Variants in PBRM1 observed in about 807,000 individuals in gnomAD.
The protein encoded by PBRM1 is polybromo 1, also known as protein polybromo-1.
PBRM1 carries 27 observed loss-of-function variants against 194.5 expected under a neutral mutation model. The ratio of observed to expected loss-of-function variants is 0.14; its 90% confidence interval spans 0.10 to 0.19. The LOEUF (loss-of-function observed/expected upper bound fraction) is 0.19, where lower values mean the gene tolerates loss of function less well. PBRM1 is among the 10% of genes least tolerant of loss of function. The pLI, the probability that PBRM1 is intolerant of heterozygous loss-of-function variation, is 1.00. For missense variants in PBRM1, 1,466 were observed against 2,077.2 expected (o/e 0.71, Z 5.72); for synonymous variants, 655 against 693.2 (o/e 0.94, Z 0.87).
At chr3:52,649,115 G>A (rs182099404) in intron 6 of PBRM1, among the ~76,000 whole-genome samples, 1 of 152,322 alleles carries the variant, frequency 6.6e-6, no homozygotes, top group East Asian at 1.9e-4. Context: ...GAAGGGTAGA[G>A]CCATAAGCAC....
upstream of PBRM1, chr3:52,679,772 T>G (rs2097171871): frequency 6.7e-7 from 1 of 1,499,308 alleles, no homozygotes; most frequent in African/African-American, 1.4e-5. Context: ...ATAGACTCTG[T>G]CACCAAGTCT....
At chr3:52,579,249 A>G in intron 20 of PBRM1, 50 bp from the exon 23 acceptor site, 2 of 1,525,558 alleles carry the variant, frequency 1.3e-6, no homozygotes, top group Non-Finnish European at 1.8e-6. Flanking sequence ...ATCAAGGAAT[A>G]GAGAAGGTAA....
At chr3:52,573,493 C>T (rs1439151689) in intron 22 of PBRM1, among the ~76,000 whole-genome samples, 1 of 152,102 alleles carries the variant, frequency 6.6e-6, no homozygotes, top group Admixed American at 6.6e-5. Flanking sequence ...GGGGTTTCAC[C>T]ACGTTGGCCA....
intron 17 of PBRM1, among the ~76,000 whole-genome samples, chr3:52,590,460 GA>G (rs796795493): frequency 7.8e-4 from 108 of 137,998 alleles, no homozygotes; most frequent in African/African-American, 1.7e-3. Flanking sequence ...CATTTCAAAA[GA>G]AAAAAAAAAA....
intron 14 of PBRM1, 33 bp downstream of exon 16, chr3:52,617,229 T>C (rs902418216): frequency 2.8e-5 from 45 of 1,588,844 alleles, no homozygotes; most frequent in Non-Finnish European, 3.9e-5. Context: ...TCCCGCAAAA[T>C]GTGCCTACTT....
At chr3:52,641,960 A>C (rs1267092200) in exon 10 of PBRM1, 2 of 1,594,048 alleles carry the variant, frequency 1.3e-6, no homozygotes, top group South Asian at 1.1e-5. Context: ...CTACCAGCTA[A>C]AGCAGCATCT....
chr3:52,550,768 A>C, exon 28 of PBRM1: 2 of 1,612,366 alleles, frequency 1.2e-6, no homozygotes, highest in Non-Finnish European at 8.5e-7. Flanking sequence ...ATGGACTTCC[A>C]CCTGGTGCTG....
chr3:52,682,897 T>G (rs1219034521), upstream of PBRM1, among the ~76,000 whole-genome samples: 2 of 151,962 alleles, frequency 1.3e-5, no homozygotes, highest in Admixed American at 6.6e-5. Flanking sequence ...CTGTCTCTAC[T>G]AAAGAAAAAT....
At chr3:52,625,847 G>A (rs2095430270) in intron 13 of PBRM1, among the ~76,000 whole-genome samples, 1 of 152,006 alleles carries the variant, frequency 6.6e-6, no homozygotes, top group African/African-American at 2.4e-5. Flanking sequence ...CAAAATGCTG[G>A]GATTACAGGC....
chr3:52,670,543 A>C lies in PBRM1; in HGVS notation c.237-1898T>G, dbSNP rs139889065. ...TTCTCTTTCAACAATAGATGAGGGC[A>C]GTCTGGCATATGGCTGCAAAATAAC... On this transcript the variant is annotated intron_variant, in intron 2 of 29. Transcript: ENST00000296302. Among the ~76,000 whole-genome samples, 772 of 152,390 alleles carry C rather than the reference A, an allele frequency of 5.1e-3. 8 individuals carry two copies. Among genetic ancestry groups the C allele is most frequent in the African/African-American group, 0.018 (740 of 41,596 alleles).
At chr3:52,652,110 G>A (rs1468646969) in intron 5 of PBRM1, among the ~76,000 whole-genome samples, 1 of 152,232 alleles carries the variant, frequency 6.6e-6, no homozygotes, top group Non-Finnish European at 1.5e-5. Context: ...GGGGCCGGGT[G>A]CGGTAGCTCA....
intron 13 of PBRM1, among the ~76,000 whole-genome samples, chr3:52,622,312 T>C (rs749011655): frequency 4.0e-5 from 6 of 151,688 alleles, no homozygotes; most frequent in Non-Finnish European, 8.8e-5. Context: ...CACTCCAGCC[T>C]GGGAGACAGG....
At chr3:52,680,120 T>A (rs1307463892), upstream of PBRM1, among the ~76,000 whole-genome samples, 1 of 152,140 alleles carries the variant, frequency 6.6e-6, no homozygotes, top group African/African-American at 2.4e-5. Flanking sequence ...GGCCCCAAGG[T>A]ATCCACCTCT....
In PBRM1 at chr3:52,678,481, TG is replaced by T. The variant is rs2097150868; in HGVS notation, c.236+18del. On this transcript the variant is annotated intron_variant, in intron 2 of 29. Coordinates refer to ENST00000296302, the Ensembl canonical transcript of PBRM1. Reference sequence around the variant, plus strand: ...TGGACCAAATCCCCCGCAACTGTACTGATGTGCTTCGAACTCACCTTCGCTT... The same window carrying T: ...TGGACCAAATCCCCCGCAACTGTACTATGTGCTTCGAACTCACCTTCGCTT... The T allele has an allele frequency of 6.6e-7, 1 of 1,518,428 alleles. No individual in the cohort carries two copies. Among genetic ancestry groups the T allele is most frequent in the Non-Finnish European group, 9.2e-7 (1 of 1,092,588 alleles). 94.1% of individuals were successfully genotyped at this position (1,518,428 alleles called of 1,614,324 possible). A position where few individuals can be genotyped will look rare whatever the true frequency, so the allele number is the denominator to read the frequency against.
chr3:52,550,783 C>A (rs1330828131), exon 28 of PBRM1: 1 of 1,612,498 alleles, frequency 6.2e-7, no homozygotes, highest in Admixed American at 1.7e-5. Context: ...GTGCTGGAGT[C>A]CCTACCATAG....
exon 30 of PBRM1, chr3:52,548,181 T>C (rs1013158855): frequency 2.5e-6 from 4 of 1,610,352 alleles, no homozygotes; most frequent in Non-Finnish European, 3.4e-6. Context: ...TTTCAGCCAG[T>C]GAGAGGGTAG....
At chr3:52,665,089 A>G (rs992379002) in intron 3 of PBRM1, among the ~76,000 whole-genome samples, 3 of 152,246 alleles carry the variant, frequency 2.0e-5, no homozygotes, top group African/African-American at 4.8e-5. Context: ...ACTTCTCAAT[A>G]GCAAAATGGA....
chr3:52,587,685 C>T (rs1301552233), intron 18 of PBRM1, among the ~76,000 whole-genome samples, 175 bp from the exon 21 acceptor site: 1 of 150,104 alleles, frequency 6.7e-6, no homozygotes, highest in Admixed American at 6.7e-5. Flanking sequence ...GCTGGGACTA[C>T]AAGTATAAGT....
rs141647733 is a variant in PBRM1 at position 52,671,836 on chromosome 3, T to C, written c.237-3191A>G. On this transcript the variant is annotated intron_variant, in intron 2 of 29. Coordinates refer to ENST00000296302, the Ensembl canonical transcript of PBRM1. Reference sequence around the variant, plus strand: ...CTCTCCTAATTCAGGATGATGACACTGCATTCTCAGTGGCTTGCTCGTTGA... The same window carrying C: ...CTCTCCTAATTCAGGATGATGACACCGCATTCTCAGTGGCTTGCTCGTTGA... Among the ~76,000 whole-genome samples the C allele has an allele frequency of 9.1e-4, 139 of 152,338 alleles. 3 individuals are homozygous for C. The East Asian group carries it at 0.021, about 23-fold the overall frequency.
Sources: allele counts gnomAD v4.1 joint callset (sites outside exome capture counted in the v4.1 genomes callset), GRCh38; gene constraint gnomAD v4.1.1; transcripts MANE v1.5; gene names NCBI Gene and HGNC (gene_info 2026-07-23, HGNC 2026-07-21).